Variants in RAB27B observed in about 807,000 individuals in gnomAD.
RAB27B encodes the protein RAB27B, member RAS oncogene family.
A neutral mutation model predicts 24.6 loss-of-function variants in RAB27B; 15 were observed. That is an observed-to-expected ratio of 0.61 (90% CI 0.41 to 0.94). The LOEUF is 0.94. Ranked by LOEUF, RAB27B falls within the 40% of genes least tolerant of loss-of-function variation. RAB27B has a pLI of 0.00. For missense variants in RAB27B, 261 were observed against 266.8 expected (o/e 0.98, Z 0.15); for synonymous variants, 105 against 92.5 (o/e 1.14, Z -0.78).
chr18:54,732,960 C>T (rs1254879408), intron 2 of RAB27B, among the ~76,000 whole-genome samples: 1 of 152,158 alleles, frequency 6.6e-6, no homozygotes, highest in East Asian at 1.9e-4. Flanking sequence ...TCATCTTTTA[C>T]CTTATTTTCA....
At chr18:54,876,641 A>G (rs777151006) in intron 1 of RAB27B, among the ~76,000 whole-genome samples, 1 of 152,166 alleles carries the variant, frequency 6.6e-6, no homozygotes, top group Admixed American at 6.5e-5. Context: ...ATGTCCTGGT[A>G]TTCTCGGTGT....
At chr18:54,758,097 T>C (rs1326098460) in intron 2 of RAB27B, among the ~76,000 whole-genome samples, 3 of 152,146 alleles carry the variant, frequency 2.0e-5, no homozygotes, top group African/African-American at 7.2e-5. Flanking sequence ...ACCTAGGTTT[T>C]TTTTAAGCCT....
intron 2 of RAB27B, among the ~76,000 whole-genome samples, chr18:54,783,904 G>T (rs890775894): frequency 8.5e-5 from 13 of 152,180 alleles, no homozygotes; most frequent in African/African-American, 2.9e-4. Flanking sequence ...AGCACATTGG[G>T]CCACTTGGAT....
At chr18:54,743,056 T>A (rs1910116654) in intron 2 of RAB27B, among the ~76,000 whole-genome samples, 1 of 152,210 alleles carries the variant, frequency 6.6e-6, no homozygotes, top group Non-Finnish European at 1.5e-5. Flanking sequence ...CTTTTCTTCC[T>A]GGTCCTGTAT....
Position 54,739,721 on chromosome 18 carries a change from ATTGT to A in RAB27B, c.-20+21582_-20+21585del, listed in dbSNP as rs556482051. Among the ~76,000 whole-genome samples the A allele has an allele frequency of 1.4e-4, 22 of 152,172 alleles. No homozygotes were observed. The South Asian group carries it at 4.6e-3, about 32-fold the overall frequency. ...AGCTGCCAAATTTTATTCCAAAGTGATTGTTGCATTTTACTTTCTCCAGTACAAA... is the reference window on the plus strand; with the variant it reads ...AGCTGCCAAATTTTATTCCAAAGTGATGCATTTTACTTTCTCCAGTACAAA... On this transcript the variant is annotated intron_variant, in intron 2 of 4. Coordinates refer to the RAB27B transcript ENST00000586570.
intron 2 of RAB27B, among the ~76,000 whole-genome samples, chr18:54,762,508 C>G (rs971851008): frequency 6.6e-6 from 1 of 152,186 alleles, no homozygotes; most frequent in South Asian, 2.1e-4. Context: ...TACTCCCGCT[C>G]TTGTTCACTC....
At chr18:54,871,749 C>T (rs1319001813) in intron 1 of RAB27B, among the ~76,000 whole-genome samples, 1 of 148,556 alleles carries the variant, frequency 6.7e-6, no homozygotes, top group Non-Finnish European at 1.5e-5. Context: ...ACTTGGGAGA[C>T]TGAGGCAGGA....
At chr18:54,878,935 T>C (rs1912813188) in intron 2 of RAB27B, among the ~76,000 whole-genome samples, 1 of 152,184 alleles carries the variant, frequency 6.6e-6, no homozygotes, top group Non-Finnish European at 1.5e-5. Flanking sequence ...CTTTACTGTT[T>C]TAAAAAAACT....
At chr18:54,745,323 T>G (rs1441153657) in intron 2 of RAB27B, 1 of 179,320 alleles carries the variant, frequency 5.6e-6, no homozygotes, top group African/African-American at 2.4e-5. Context: ...CCATGGGAGG[T>G]CATGCCTGAT....
At position 54,730,017 on chromosome 18, in the gene RAB27B, T is replaced by TG. The variant is rs1006147118; in HGVS notation, c.-20+11879dup. Among the ~76,000 whole-genome samples, 31 of 69,712 alleles carry TG rather than the reference T, an allele frequency of 4.4e-4. 2 individuals are homozygous for TG. The highest frequency in any genetic ancestry group is 4.1e-3 in the Admixed American group (31 of 7,520). The allele number at this position is 69,712 out of a possible 152,430, so 45.7% of individuals were successfully genotyped here. On this transcript the variant is annotated intron_variant, in intron 2 of 4. Coordinates refer to the RAB27B transcript ENST00000586570. ...AAAGATGCAATAAGAAGTGATAATT[T>TG]GGGTTTTTTTAGGTAAACTCATGCT...
intron 2 of RAB27B, among the ~76,000 whole-genome samples, chr18:54,743,547 A>G (rs1056338053): frequency 4.6e-5 from 7 of 152,218 alleles, no homozygotes; most frequent in African/African-American, 1.7e-4. Flanking sequence ...CAGTGAGGGA[A>G]TGAGCCATTC....
At chr18:54,877,763 C>T in intron 2 of RAB27B, 25 bp downstream of exon 2, 1 of 1,553,798 alleles carries the variant, frequency 6.4e-7, no homozygotes, top group Non-Finnish European at 8.6e-7. Context: ...GTACTTCTAA[C>T]CTTGTCACTC....
In RAB27B at chr18:54,864,619, T is replaced by G. The variant is rs532887114; in HGVS notation, c.-19-12948T>G. ...TCTTATATTTAGGTCTATGATCCAT[T>G]TAATTTAATTTTTCTATAAAAGCTT... On this transcript the variant is annotated intron_variant, in intron 1 of 5. Coordinates refer to ENST00000262094, the MANE Select transcript of RAB27B (RefSeq NM_004163.4). Among the ~76,000 whole-genome samples the G allele has an allele frequency of 2.6e-5, 4 of 152,286 alleles. No homozygotes were observed. The South Asian group carries it at 8.3e-4, about 32-fold the overall frequency.
chr18:54,878,976 T>C (rs1264689237), intron 2 of RAB27B, among the ~76,000 whole-genome samples: 1 of 152,176 alleles, frequency 6.6e-6, no homozygotes, highest in Non-Finnish European at 1.5e-5. Context: ...CACTGAAGTG[T>C]GCAGTTTGAA....
chr18:54,891,708 G>T lies in RAB27B; in HGVS notation c.*2295G>T, dbSNP rs972442614. 1 of 151,984 alleles carries T rather than the reference G, an allele frequency of 6.6e-6. No individual in the cohort carries two copies. Among genetic ancestry groups the T allele is most frequent in the East Asian group, 1.9e-4 (1 of 5,190 alleles). 9.4% of individuals were successfully genotyped at this position (151,984 alleles called of 1,614,324 possible). On this transcript the variant is annotated 3_prime_UTR_variant, in exon 6 of 6. Transcript: ENST00000262094. ...TATATGATTGATTTACTTATGCCAAGATTCTGTCACTGTCAGTTATTTAAT... is the reference window on the plus strand; with the variant it reads ...TATATGATTGATTTACTTATGCCAATATTCTGTCACTGTCAGTTATTTAAT...
chr18:54,879,720 G>A, intron 3 of RAB27B: 4 of 316,792 alleles, frequency 1.3e-5, no homozygotes, highest in Non-Finnish European at 2.3e-5. Flanking sequence ...CTTCTTAGAA[G>A]GAAAAAAAGG....
chr18:54,775,620 T>C (rs2145079469), intron 2 of RAB27B, among the ~76,000 whole-genome samples: 1 of 152,356 alleles, frequency 6.6e-6, no homozygotes, highest in Admixed American at 6.5e-5. Context: ...TGACATATGA[T>C]GTTTCCTGCA....
intron 1 of RAB27B, among the ~76,000 whole-genome samples, chr18:54,840,024 T>G (rs982581129): frequency 6.6e-6 from 1 of 152,204 alleles, no homozygotes; most frequent in Non-Finnish European, 1.5e-5. Context: ...CCTCAGATTC[T>G]CCTACTTAAT....
intron 2 of RAB27B, among the ~76,000 whole-genome samples, chr18:54,808,524 A>C (rs936414229): frequency 6.6e-6 from 1 of 152,216 alleles, no homozygotes; most frequent in African/African-American, 2.4e-5. Context: ...GAACATTAGA[A>C]ATCTCTTATT....
Sources: gnomAD v4.1 joint callset for allele counts (sites outside exome capture counted in the v4.1 genomes callset) on GRCh38, gnomAD v4.1.1 for gene constraint, MANE v1.5 for transcripts, NCBI Gene and HGNC (gene_info 2026-07-23, HGNC 2026-07-21) for gene names.